PGM5: variants seen among roughly 807,000 people sequenced by gnomAD.
PGM5 encodes phosphoglucomutase-like protein 5.
Under a neutral mutation model 59.2 loss-of-function variants are expected in PGM5, and 23 were observed. The observed-to-expected ratio is 0.39, with a 90% CI of 0.28 to 0.55. The LOEUF (loss-of-function observed/expected upper bound fraction) is 0.55. Among genes scored for constraint, PGM5 ranks in the 20% least tolerant of loss-of-function variants. The pLI is 0.66. For missense variants in PGM5, 574 were observed against 748.3 expected (o/e 0.77, Z 2.72); for synonymous variants, 214 against 286.0 (o/e 0.75, Z 2.54).
intron 6 of PGM5, among the ~76,000 whole-genome samples, chr9:68,445,578 C>G (rs1294165432): frequency 6.6e-6 from 1 of 152,156 alleles, no homozygotes; most frequent in Non-Finnish European, 1.5e-5. Flanking sequence ...CTTGCATTCT[C>G]TCCTTACACT....
rs782014216 is a variant in PGM5 at position 68,484,057 on chromosome 9, T to C, written c.1479+9T>C. 4.3e-6 allele frequency: 7 copies of C among 1,611,500 alleles called. No homozygotes were observed. The Admixed American group carries it at 5.0e-5, about 12-fold the overall frequency. On this transcript the variant is annotated intron_variant, in intron 9 of 10. Transcript: ENST00000396396. ...CTGTGACCAAGAAACAGGTACTTGC[T>C]AGGAAATCACTACAACGGGTTATCA...
At chr9:68,446,734 T>C (rs1823617721) in intron 6 of PGM5, among the ~76,000 whole-genome samples, 1 of 152,222 alleles carries the variant, frequency 6.6e-6, no homozygotes, top group East Asian at 1.9e-4. Context: ...ATGTTGACAT[T>C]CGAGAGAGGA....
In PGM5 at chr9:68,367,591, A is replaced by T. The variant is rs12004128; in HGVS notation, c.261+10203A>T. Among the ~76,000 whole-genome samples, 976 of 152,282 alleles carry T rather than the reference A, an allele frequency of 6.4e-3. 6 individuals carry two copies. Among genetic ancestry groups the T allele is most frequent in the African/African-American group, 0.023 (947 of 41,544 alleles). ...GAGGCATAATCTTTTTTTGGACAGGATCTCCCAAATGTAAAGTGATAGATG... is the reference window on the plus strand; with the variant it reads ...GAGGCATAATCTTTTTTTGGACAGGTTCTCCCAAATGTAAAGTGATAGATG... On this transcript the variant is annotated intron_variant, in intron 1 of 10. Coordinates refer to ENST00000396396, the MANE Select transcript of PGM5 (RefSeq NM_021965.4).
rs528529139 is a variant in PGM5 at position 68,432,441 on chromosome 9, T to C, written c.1044-32652T>C. Among the ~76,000 whole-genome samples the C allele has an allele frequency of 2.0e-5, 3 of 152,194 alleles. No individual in the cohort carries two copies. In the East Asian group the frequency reaches 5.8e-4, roughly 29 times the overall value. On this transcript the variant is annotated intron_variant, in intron 6 of 10. Transcript: ENST00000396396. ...ATCTTGAACTCATGGTCTCAAGTGA[T>C]CGGCCCACCTCAGCCTCTGAAAGTG... is the stretch of plus-strand genomic sequence containing the variant.
intron 6 of PGM5, chr9:68,405,252 G>A (rs1554681006): frequency 6.6e-6 from 1 of 152,328 alleles, no homozygotes; most frequent in East Asian, 1.9e-4. Context: ...CCCTCATTAG[G>A]TAGAGCTAGG....
At chr9:68,382,836 C>T (rs1822111843) in intron 2 of PGM5, among the ~76,000 whole-genome samples, 1 of 151,624 alleles carries the variant, frequency 6.6e-6, no homozygotes, top group African/African-American at 2.4e-5. Flanking sequence ...TCTAGAGAGA[C>T]AGTACTTTCT....
intron 9 of PGM5, among the ~76,000 whole-genome samples, chr9:68,487,591 C>A (rs868944521): frequency 2.0e-5 from 3 of 151,832 alleles, no homozygotes; most frequent in Non-Finnish European, 4.4e-5. Context: ...TTTAAAAGTA[C>A]TTTGCAGTAA....
intron 6 of PGM5, among the ~76,000 whole-genome samples, chr9:68,409,671 A>T (rs2639609): frequency 1.5e-5 from 2 of 136,498 alleles, no homozygotes; most frequent in African/African-American, 5.5e-5. Flanking sequence ...TGGGAATTGA[A>T]CAATGAGAAC....
At chr9:68,448,603 G>A (rs79528963) in intron 6 of PGM5, among the ~76,000 whole-genome samples, 1 of 152,248 alleles carries the variant, frequency 6.6e-6, no homozygotes, top group East Asian at 1.9e-4. Context: ...AAGCAGCTGG[G>A]GCTCTGTATA....
chr9:68,484,513 G>C (rs782714073), intron 9 of PGM5, among the ~76,000 whole-genome samples: 2 of 150,148 alleles, frequency 1.3e-5, no homozygotes, highest in African/African-American at 4.9e-5. Context: ...GCACTTCAGC[G>C]TGGGAGACAA....
At chr9:68,372,480 G>A (rs432347) in intron 1 of PGM5, among the ~76,000 whole-genome samples, 1,883 of 152,054 alleles carry the variant, frequency 0.012, 48 homozygotes, top group African/African-American at 0.043. Flanking sequence ...TTTGGGGAAT[G>A]GTACCATAAG....
At chr9:68,428,103 T>C (rs1414133948) in intron 6 of PGM5, among the ~76,000 whole-genome samples, 1 of 152,232 alleles carries the variant, frequency 6.6e-6, no homozygotes. Context: ...CAACCATATG[T>C]TCAGTTTAGA....
chr9:68,430,354 G>C (rs1452741553), intron 6 of PGM5, among the ~76,000 whole-genome samples: 1 of 152,264 alleles, frequency 6.6e-6, no homozygotes, highest in Non-Finnish European at 1.5e-5. Flanking sequence ...GTCTCATGGA[G>C]AGCGAAATGA....
At position 68,479,464 on chromosome 9, in the gene PGM5, C is replaced by T; in HGVS notation, c.1206C>T (p.Val402=). Residue 402 remains valine (V), a synonymous_variant, in exon 8 of 11, where the codon GTC becomes GTT. Transcript: ENST00000396396. ...AGGATGGCCTGTGGGCTGTCTTGGTCTGGCTCTCCATTATTGCTGCCCGGA... is the reference window on the plus strand; with the variant it reads ...AGGATGGCCTGTGGGCTGTCTTGGTTTGGCTCTCCATTATTGCTGCCCGGA... ...REKDGLWAVL[V]WLSIIAARKQ... is the part of the protein sequence containing the mutation. 6.2e-7 allele frequency: 1 copy of T among 1,614,004 alleles called. No homozygotes were observed. The highest frequency in any genetic ancestry group is 8.5e-7 in the Non-Finnish European group (1 of 1,180,012).
chr9:68,520,211 C>G (rs1274052946), intron 10 of PGM5, among the ~76,000 whole-genome samples: 1 of 151,484 alleles, frequency 6.6e-6, no homozygotes, highest in Admixed American at 6.6e-5. Flanking sequence ...CTAAAACTAG[C>G]TCTATTATTT....
intron 6 of PGM5, among the ~76,000 whole-genome samples, chr9:68,435,400 C>T (rs1823428536): frequency 6.6e-6 from 1 of 152,282 alleles, no homozygotes; most frequent in African/African-American, 2.4e-5. Flanking sequence ...ATCCTGTACC[C>T]TTTAGCTATC....
At chr9:68,406,943 T>A (rs1554681187) in intron 6 of PGM5, among the ~76,000 whole-genome samples, 1 of 151,518 alleles carries the variant, frequency 6.6e-6, no homozygotes, top group African/African-American at 2.4e-5. Flanking sequence ...GCAGGGGTGC[T>A]TTCTTGCTGT....
At chr9:68,485,968 A>G (rs930758047) in intron 9 of PGM5, among the ~76,000 whole-genome samples, 1 of 152,188 alleles carries the variant, frequency 6.6e-6, no homozygotes, top group Non-Finnish European at 1.5e-5. Flanking sequence ...CCTGTTGGGT[A>G]GAGGTGGAAT....
rs201855841 is a variant in PGM5 at position 68,479,516 on chromosome 9, G to T, written c.1258G>T (p.Asp420Tyr). Residue 420 changes from aspartate (D) to tyrosine (Y), a missense_variant, in exon 8 of 11, where the codon GAT becomes TAT. Transcript: ENST00000396396. ...RKQSVEEIVR[D>Y]HWAKFGRHYY... ...GCAGAGTGTGGAGGAAATTGTCCGA[G>T]ATCACTGGGCCAAATTTGGCCGCCA... 6.2e-6 allele frequency: 10 copies of T among 1,614,020 alleles called. No homozygotes were observed. Among genetic ancestry groups the T allele is most frequent in the African/African-American group, 1.3e-5 (1 of 74,916 alleles).
Sources: gnomAD v4.1 joint callset for allele counts (sites outside exome capture counted in the v4.1 genomes callset) on GRCh38, gnomAD v4.1.1 for gene constraint, MANE v1.5 for transcripts, NCBI Gene and HGNC (gene_info 2026-07-23, HGNC 2026-07-21) for gene names.